Variants in PRRG1 observed in about 807,000 individuals in gnomAD.
PRRG1 encodes the protein transmembrane gamma-carboxyglutamic acid protein 1.
In PRRG1, 5 loss-of-function variants were observed where a neutral mutation model predicts 11.8. The observed-to-expected ratio is 0.42, with a 90% CI of 0.22 to 0.89. PRRG1 has a LOEUF of 0.89. PRRG1 is among the 40% of genes least tolerant of loss of function. The pLI, the probability that PRRG1 is intolerant of heterozygous loss-of-function variation, is 0.28. For missense variants in PRRG1, 155 were observed against 166.1 expected (o/e 0.93, Z 0.37); for synonymous variants, 66 against 60.4 (o/e 1.09, Z -0.43).
At chrX:37,373,310 A>G (rs1930829072) in intron 1 of PRRG1, among the ~76,000 whole-genome samples, 1 of 111,452 alleles carries the variant, frequency 9.0e-6, no homozygotes, top group Non-Finnish European at 1.9e-5. Context: ...TTTTAGGATC[A>G]TTTTCTCTAT....
At chrX:37,438,430 C>CTTTTTTT (rs782783420) in intron 3 of PRRG1, among the ~76,000 whole-genome samples, 2 of 69,039 alleles carry the variant, frequency 2.9e-5, no homozygotes, top group East Asian at 4.3e-4. Context: ...GAATTTTTTC[C>CTTTTTTT]TTTTTTTTTT....
chrX:37,447,057 A>G (rs1933090714), intron 3 of PRRG1, among the ~76,000 whole-genome samples: 1 of 112,004 alleles, frequency 8.9e-6, no homozygotes, highest in Admixed American at 9.5e-5. Flanking sequence ...TTCAGTGAAC[A>G]TAAAATAATT....
chrX:37,443,262 C>G (rs1320850609), intron 3 of PRRG1, among the ~76,000 whole-genome samples: 1 of 111,584 alleles, frequency 9.0e-6, no homozygotes, highest in Non-Finnish European at 1.9e-5. Flanking sequence ...TCTTGAGCAC[C>G]TGGGTTGATG....
chrX:37,393,051 A>G (rs1796611017), intron 1 of PRRG1, among the ~76,000 whole-genome samples: 1 of 110,795 alleles, frequency 9.0e-6, no homozygotes, highest in African/African-American at 3.3e-5. Context: ...ACTGTATCCA[A>G]CTCTGAGGAT....
intron 3 of PRRG1, chrX:37,442,308 A>G (rs1932997910): frequency 1.6e-6 from 1 of 639,716 alleles, no homozygotes; most frequent in Non-Finnish European, 1.9e-6. Context: ...TAAAGTAGGT[A>G]TCCAGCAGTC....
intron 3 of PRRG1, among the ~76,000 whole-genome samples, chrX:37,426,790 A>C (rs1010222957): frequency 9.0e-6 from 1 of 111,720 alleles, no homozygotes; most frequent in Non-Finnish European, 1.9e-5. Flanking sequence ...TTGACCTTTT[A>C]TTTTCTTTCC....
At chrX:37,379,032 T>G (rs1931071222) in intron 1 of PRRG1, among the ~76,000 whole-genome samples, 1 of 51,868 alleles carries the variant, frequency 1.9e-5, no homozygotes, top group Non-Finnish European at 3.1e-5. Context: ...ATCTTTTTGC[T>G]TTTTTTTTTT....
intron 2 of PRRG1, among the ~76,000 whole-genome samples, chrX:37,418,349 G>T (rs1468178590): frequency 8.9e-6 from 1 of 111,943 alleles, no homozygotes; most frequent in Non-Finnish European, 1.9e-5. Flanking sequence ...AGAGAGCTTT[G>T]CATGTTCTAT....
Position 37,424,449 on chromosome X carries a change from A to G in PRRG1, c.11-1391A>G, listed in dbSNP as rs143489615. ...GGGATTCTGATGCGGCTAAAAGGCAAGAAGTGTTAGAAAATTTTACTGTTA... is the reference window on the plus strand; with the variant it reads ...GGGATTCTGATGCGGCTAAAAGGCAGGAAGTGTTAGAAAATTTTACTGTTA... On this transcript the variant is annotated intron_variant, in intron 2 of 3. Transcript: ENST00000378628. Among the ~76,000 whole-genome samples the G allele has an allele frequency of 3.3e-3, 374 of 111,669 alleles. 2 individuals are homozygous for G. The highest frequency in any genetic ancestry group is 0.011 in the African/African-American group (352 of 30,818).
Position 37,453,869 on chromosome X carries a change from A to T in PRRG1, c.*248A>T. The T allele has an allele frequency of 6.1e-6, 2 of 325,978 alleles. No homozygotes were observed. The highest frequency in any genetic ancestry group is 1.1e-5 in the Non-Finnish European group (2 of 189,137). 26.9% of individuals were successfully genotyped at this position (325,978 alleles called of 1,213,427 possible). On this transcript the variant is annotated 3_prime_UTR_variant, in exon 4 of 4. Coordinates refer to ENST00000378628, the MANE Select transcript of PRRG1 (RefSeq NM_001142395.2). ...GGGGGTCTTTCTGTGATGTGATGAG[A>T]CATACATGTAAGTGTATATATGTGT...
At chrX:37,437,233 ATGGTAGTAAC>A (rs1239333068) in intron 3 of PRRG1, among the ~76,000 whole-genome samples, 1 of 111,399 alleles carries the variant, frequency 9.0e-6, no homozygotes, top group Admixed American at 9.5e-5. Flanking sequence ...ATGTCAGGTT[ATGGTAGTAAC>A]TGAATTAGGA....
chrX:37,410,145 T>G (rs1167504135), intron 2 of PRRG1, among the ~76,000 whole-genome samples: 1 of 112,122 alleles, frequency 8.9e-6, no homozygotes, highest in Non-Finnish European at 1.9e-5. Flanking sequence ...CAGGGCTTAG[T>G]ATTTAGGACT....
intron 1 of PRRG1, among the ~76,000 whole-genome samples, chrX:37,379,468 A>C (rs1263706222): frequency 9.0e-6 from 1 of 111,035 alleles, no homozygotes; most frequent in Non-Finnish European, 1.9e-5. Flanking sequence ...ATTTATAATG[A>C]AGAAATAGAA....
At chrX:37,414,670 C>T (rs1932439043) in intron 2 of PRRG1, among the ~76,000 whole-genome samples, 1 of 112,667 alleles carries the variant, frequency 8.9e-6, no homozygotes, top group African/African-American at 3.2e-5. Context: ...GGTTGATTTG[C>T]AGAGGATCCT....
At chrX:37,352,963 A>G (rs1930120794) in intron 1 of PRRG1, among the ~76,000 whole-genome samples, 1 of 111,912 alleles carries the variant, frequency 8.9e-6, no homozygotes, top group Non-Finnish European at 1.9e-5. Context: ...ATAAATAACT[A>G]TGCTAATGGT....
intron 3 of PRRG1, among the ~76,000 whole-genome samples, chrX:37,433,283 T>A (rs1932851312): frequency 8.9e-6 from 1 of 111,839 alleles, no homozygotes; most frequent in African/African-American, 3.3e-5. Flanking sequence ...TCACTCGATA[T>A]ATAGTTATTT....
intron 1 of PRRG1, among the ~76,000 whole-genome samples, chrX:37,392,657 C>CA (rs11296949): frequency 0.041 from 2,061 of 50,608 alleles, 53 homozygotes; most frequent in African/African-American, 0.077. Flanking sequence ...GACTCTGTCT[C>CA]AAAAAAAAAA....
intron 1 of PRRG1, among the ~76,000 whole-genome samples, chrX:37,369,318 A>AT (rs1483389808): frequency 6.3e-5 from 7 of 111,190 alleles, no homozygotes; most frequent in Admixed American, 4.7e-4. Context: ...TTAACATTTC[A>AT]TTTTTTCATG....
chrX:37,381,329 T>A (rs1266800623), intron 1 of PRRG1, among the ~76,000 whole-genome samples: 1 of 112,152 alleles, frequency 8.9e-6, no homozygotes, highest in Non-Finnish European at 1.9e-5. Flanking sequence ...GGCCGACTTA[T>A]AAGAAAGAAG....
Sources: allele counts gnomAD v4.1 joint callset (sites outside exome capture counted in the v4.1 genomes callset), GRCh38; gene constraint gnomAD v4.1.1; transcripts MANE v1.5; gene names NCBI Gene and HGNC (gene_info 2026-07-23, HGNC 2026-07-21).